The following CEP112 variants were observed in gnomAD, a reference collection of about 807,000 sequenced individuals.
CEP112 encodes centrosomal protein of 112 kDa.
Under a neutral mutation model 153.0 loss-of-function variants are expected in CEP112, and 127 were observed. The observed-to-expected ratio is 0.83, with a 90% CI of 0.72 to 0.96. CEP112 has a LOEUF of 0.96. CEP112 is among the 40% of genes least tolerant of loss of function. The probability of loss-of-function intolerance (pLI) is 0.00; values close to 1 mark genes in which losing one functional copy is unlikely to be tolerated. For missense variants in CEP112, 1,089 were observed against 1,101.2 expected (o/e 0.99, Z 0.16); for synonymous variants, 358 against 374.4 (o/e 0.96, Z 0.51).
intron 18 of CEP112, among the ~76,000 whole-genome samples, chr17:65,932,190 C>G (rs1279559698): frequency 6.6e-6 from 1 of 152,158 alleles, no homozygotes; most frequent in African/African-American, 2.4e-5. Flanking sequence ...AACCCAATAG[C>G]AAAATCTGCT....
In CEP112 at chr17:66,075,556, C is replaced by T. The variant is rs574430688; in HGVS notation, c.769-5555G>A. ...TAAAAAAAGGGGGTACCAGTGGAAA[C>T]GAACACCAACAAGGTAGATTAAACC... On this transcript the variant is annotated intron_variant, in intron 8 of 26. Coordinates refer to ENST00000535342, the MANE Select transcript of CEP112 (RefSeq NM_001199165.4). 5.3e-5 allele frequency among the ~76,000 whole-genome samples: 8 copies of T among 152,186 alleles called. 1 individual carries two copies. Among genetic ancestry groups the T allele is most frequent in the Admixed American group, 3.3e-4 (5 of 15,296 alleles).
At chr17:65,643,601 C>A (rs2045269357) in intron 24 of CEP112, among the ~76,000 whole-genome samples, 1 of 152,084 alleles carries the variant, frequency 6.6e-6, no homozygotes, top group African/African-American at 2.4e-5. Flanking sequence ...ACACCCGGGC[C>A]CCCTGGTACT....
intron 18 of CEP112, among the ~76,000 whole-genome samples, chr17:65,937,513 C>G (rs1364424997): frequency 7.3e-6 from 1 of 137,832 alleles, no homozygotes; most frequent in East Asian, 2.5e-4. Flanking sequence ...ACCGCCCCGT[C>G]TGAGAAGTGA....
At chr17:65,762,870 T>C (rs922655711) in intron 21 of CEP112, among the ~76,000 whole-genome samples, 1 of 152,022 alleles carries the variant, frequency 6.6e-6, no homozygotes, top group Admixed American at 6.6e-5. Flanking sequence ...TGAAGAAAAA[T>C]AAAAGTTTTA....
At chr17:65,684,729 A>G (rs2047697239) in intron 24 of CEP112, among the ~76,000 whole-genome samples, 1 of 152,200 alleles carries the variant, frequency 6.6e-6, no homozygotes, top group Admixed American at 6.5e-5. Context: ...CGCAGTGTTT[A>G]ACGCAGTGGA....
chr17:65,913,521 T>A (rs886102529), intron 19 of CEP112: 2 of 985,230 alleles, frequency 2.0e-6, no homozygotes, highest in Admixed American at 1.2e-4. Flanking sequence ...AGAACAGAAA[T>A]AGAATGTGTC....
chr17:66,072,497 C>A (rs191779510), intron 8 of CEP112, among the ~76,000 whole-genome samples: 8 of 152,272 alleles, frequency 5.3e-5, no homozygotes, highest in Admixed American at 5.2e-4. Context: ...TTTAAGAGTA[C>A]AGACCGTTAT....
In CEP112 at chr17:66,008,971, A is replaced by C. The variant is rs530789053; in HGVS notation, c.1657-3202T>G. On this transcript the variant is annotated intron_variant, in intron 16 of 26. Coordinates refer to ENST00000535342, the MANE Select transcript of CEP112 (RefSeq NM_001199165.4). The stretch of plus-strand genomic sequence containing the variant: ...TTGATTCCATATTTTGGCTCTTGTG[A>C]ATAGTGCTGCAATGAACATAGGAGT... Among the ~76,000 whole-genome samples, 5 of 152,328 alleles carry C rather than the reference A, an allele frequency of 3.3e-5. No homozygotes were observed. In the East Asian group the frequency reaches 9.6e-4, roughly 29 times the overall value.
Position 65,661,338 on chromosome 17 carries a change from G to T in CEP112, c.2698-20273C>A, listed in dbSNP as rs181662460. Among the ~76,000 whole-genome samples the T allele has an allele frequency of 7.2e-5, 11 of 152,136 alleles. No homozygotes were observed. In the East Asian group the frequency reaches 1.9e-3, roughly 27 times the overall value. ...TAACAGTTACTGATTGACACTTAAG[G>T]GGTGTTTTCTATGTATTAGGCACCA... On this transcript the variant is annotated intron_variant, in intron 24 of 26. Coordinates refer to ENST00000535342, the MANE Select transcript of CEP112 (RefSeq NM_001199165.4).
At chr17:65,935,964 C>T (rs1021313951) in intron 18 of CEP112, among the ~76,000 whole-genome samples, 6 of 151,744 alleles carry the variant, frequency 4.0e-5, no homozygotes, top group Admixed American at 1.3e-4. Flanking sequence ...AATGAAACTA[C>T]GAGTTGGTTT....
intron 23 of CEP112, among the ~76,000 whole-genome samples, chr17:65,698,417 A>G (rs901332416): frequency 6.6e-6 from 1 of 152,164 alleles, no homozygotes; most frequent in Admixed American, 6.5e-5. Context: ...TCAGTCCTTT[A>G]AAATTCCTAA....
chr17:65,850,137 G>C (rs1054956233), intron 21 of CEP112, among the ~76,000 whole-genome samples: 5 of 129,596 alleles, frequency 3.9e-5, no homozygotes, highest in African/African-American at 1.2e-4. Flanking sequence ...CTGGGCGACA[G>C]AGTGAGACTC....
intron 23 of CEP112, among the ~76,000 whole-genome samples, chr17:65,689,426 T>C (rs955901536): frequency 1.5e-5 from 2 of 135,542 alleles, no homozygotes; most frequent in Non-Finnish European, 3.3e-5. Context: ...TCCAAAGTTA[T>C]AAAATAGACA....
At chr17:65,727,036 G>T (rs748457571) in intron 23 of CEP112, among the ~76,000 whole-genome samples, 8 of 152,190 alleles carry the variant, frequency 5.3e-5, no homozygotes, top group Non-Finnish European at 7.3e-5. Context: ...CAAAGGTTAT[G>T]TGCATTTGAA....
intron 21 of CEP112, among the ~76,000 whole-genome samples, chr17:65,794,455 C>A (rs929722084): frequency 3.9e-5 from 6 of 152,016 alleles, no homozygotes; most frequent in African/African-American, 1.5e-4. Flanking sequence ...TTAGTCTGTG[C>A]CTACAATTTC....
At chr17:65,810,449 G>A (rs1052971827) in intron 21 of CEP112, among the ~76,000 whole-genome samples, 3 of 152,064 alleles carry the variant, frequency 2.0e-5, no homozygotes, top group East Asian at 1.9e-4. Flanking sequence ...TCTAGCCATC[G>A]GTGACCAGTA....
At chr17:65,883,292 T>C (rs755679104) in intron 20 of CEP112, among the ~76,000 whole-genome samples, 2 of 150,826 alleles carry the variant, frequency 1.3e-5, no homozygotes, top group Admixed American at 1.3e-4. Flanking sequence ...GAAGTGTATA[T>C]ATATATACAC....
At position 66,183,431 on chromosome 17, in the gene CEP112, T is replaced by C. The variant is rs2072798954; in HGVS notation, c.-8-124A>G. On this transcript the variant is annotated intron_variant, in intron 1 of 26. Coordinates refer to ENST00000535342, the MANE Select transcript of CEP112 (RefSeq NM_001199165.4). ...AGTTCTCCCCAAATTGACCTGTAGA[T>C]TTAATGCAACTCCCATCAAAACCCA... is the stretch of plus-strand genomic sequence containing the variant. 4 of 561,704 alleles carry C rather than the reference T, an allele frequency of 7.1e-6. No individual in the cohort carries two copies. In the East Asian group the frequency reaches 1.2e-4, roughly 17 times the overall value. 34.8% of individuals were successfully genotyped at this position (561,704 alleles called of 1,614,324 possible).
At chr17:65,798,253 A>C (rs191589733) in intron 21 of CEP112, among the ~76,000 whole-genome samples, 12 of 152,320 alleles carry the variant, frequency 7.9e-5, no homozygotes, top group Admixed American at 3.3e-4. Context: ...CATAAAAAAA[A>C]CACATTATAT....
Sources: allele counts gnomAD v4.1 joint callset (sites outside exome capture counted in the v4.1 genomes callset), GRCh38; gene constraint gnomAD v4.1.1; transcripts MANE v1.5; gene names NCBI Gene and HGNC (gene_info 2026-07-23, HGNC 2026-07-21).